Variants in RORA observed in about 807,000 individuals in gnomAD.
RORA encodes RAR related orphan receptor A, also known as nuclear receptor ROR-alpha.
A neutral mutation model predicts 69.5 loss-of-function variants in RORA; 7 were observed. The observed-to-expected ratio is 0.10, with a 90% confidence interval of 0.06 to 0.19. The LOEUF is 0.19. Among genes scored for constraint, RORA ranks in the 10% least tolerant of loss-of-function variants. RORA has a pLI of 1.00. For missense variants in RORA, 457 were observed against 663.0 expected, an observed-to-expected ratio of 0.69 and a Z score of 3.41; for synonymous variants, 261 against 240.8, an observed-to-expected ratio of 1.08 and a Z score of -0.78.
At chr15:60,796,799 G>A (rs1276649266) in intron 1 of RORA, among the ~76,000 whole-genome samples, 1 of 151,842 alleles carries the variant, frequency 6.6e-6, no homozygotes, top group Admixed American at 6.6e-5. Flanking sequence ...CTCATCAACT[G>A]ATGAGTCGAT....
intron 1 of RORA, among the ~76,000 whole-genome samples, chr15:61,082,569 A>AT (rs2078561189): frequency 1.3e-5 from 2 of 152,146 alleles, no homozygotes; most frequent in South Asian, 2.1e-4. Flanking sequence ...GAGGAGTGAC[A>AT]TTTTGTAAAC....
At chr15:61,070,602 T>C (rs2078327429) in intron 1 of RORA, among the ~76,000 whole-genome samples, 1 of 152,246 alleles carries the variant, frequency 6.6e-6, no homozygotes, top group African/African-American at 2.4e-5. Flanking sequence ...ATTTATTGAA[T>C]GTCTATTCTA....
chr15:61,047,807 G>C (rs1488728960), intron 1 of RORA, among the ~76,000 whole-genome samples: 1 of 152,160 alleles, frequency 6.6e-6, no homozygotes, highest in Non-Finnish European at 1.5e-5. Context: ...AGTGAAGTGT[G>C]GTCCTCCGGC....
rs147444921 is a variant in RORA, at chr15:60,727,693, G to C, written c.167-49007C>G. 6.5e-3 allele frequency among the ~76,000 whole-genome samples: 993 copies of C among 152,228 alleles called. 6 individuals are homozygous for C. The highest frequency in any genetic ancestry group is 0.02 in the East Asian group (106 of 5,178). ...TTGGGACTTTAAAAAAAAATGGCGT[G>C]AAAGTGAAAAGAATCTGTCCCTGTC... On this transcript the variant is annotated intron_variant, in intron 1 of 10. Coordinates refer to ENST00000335670, the MANE Select transcript of RORA (RefSeq NM_134261.3).
intron 1 of RORA, among the ~76,000 whole-genome samples, chr15:60,844,870 A>G (rs1397107689): frequency 6.6e-6 from 1 of 152,236 alleles, no homozygotes; most frequent in Non-Finnish European, 1.5e-5. Flanking sequence ...TATCTGCTCA[A>G]AAGAATGTGC....
At chr15:61,198,502 G>A (rs994026704) in intron 1 of RORA, among the ~76,000 whole-genome samples, 5 of 152,160 alleles carry the variant, frequency 3.3e-5, no homozygotes, top group African/African-American at 7.2e-5. Flanking sequence ...CAAAAGGTAC[G>A]CAGCTTCCAT....
At chr15:60,579,064 G>GTT (rs869076097) in intron 2 of RORA, among the ~76,000 whole-genome samples, 135 of 129,654 alleles carry the variant, frequency 1.0e-3, no homozygotes, top group African/African-American at 2.9e-3. Flanking sequence ...ACCGCGCCCG[G>GTT]TTTTTTTTTT....
intron 3 of RORA, among the ~76,000 whole-genome samples, chr15:60,521,606 A>G (rs1401553439): frequency 6.6e-6 from 1 of 152,200 alleles, no homozygotes; most frequent in Non-Finnish European, 1.5e-5. Flanking sequence ...TCCTTTTGTT[A>G]AGAACCAGAG....
intron 1 of RORA, among the ~76,000 whole-genome samples, chr15:61,079,408 A>T (rs1412223367): frequency 6.6e-6 from 1 of 152,214 alleles, no homozygotes; most frequent in East Asian, 1.9e-4. Context: ...TCTCCATGAC[A>T]TAAGCCTGAC....
At chr15:61,089,235 T>C (rs949835264) in intron 1 of RORA, among the ~76,000 whole-genome samples, 3 of 152,184 alleles carry the variant, frequency 2.0e-5, no homozygotes, top group African/African-American at 7.2e-5. Flanking sequence ...TCCCAGTGAA[T>C]ATGAGTAAAT....
chr15:60,675,958 T>G (rs923840830), intron 2 of RORA, among the ~76,000 whole-genome samples: 1 of 152,170 alleles, frequency 6.6e-6, no homozygotes, highest in African/African-American at 2.4e-5. Flanking sequence ...TGTCGATGAT[T>G]ATGTAGTCAA....
At chr15:61,038,898 T>G (rs969457719) in intron 1 of RORA, 1 of 152,356 alleles carries the variant, frequency 6.6e-6, no homozygotes, top group Non-Finnish European at 1.5e-5. Context: ...AACATGAGCA[T>G]TCTCCCCTTC....
chr15:61,083,536 G>T (rs2078576911), intron 1 of RORA, among the ~76,000 whole-genome samples: 2 of 152,056 alleles, frequency 1.3e-5, no homozygotes, highest in Admixed American at 6.5e-5. Flanking sequence ...ATCCTCTGGT[G>T]CAGGAAAAGC....
At chr15:60,733,884 C>G (rs1171595773) in intron 1 of RORA, among the ~76,000 whole-genome samples, 3 of 141,052 alleles carry the variant, frequency 2.1e-5, no homozygotes, top group Non-Finnish European at 1.5e-5. Flanking sequence ...ATCCAACTAT[C>G]TGCACACAGG....
intron 1 of RORA, among the ~76,000 whole-genome samples, chr15:60,920,650 T>C (rs928008519): frequency 6.6e-6 from 1 of 152,200 alleles, no homozygotes; most frequent in African/African-American, 2.4e-5. Context: ...CAGCGAGCTA[T>C]TACAATAGAT....
chr15:60,679,573 C>T (rs185520206), intron 1 of RORA, among the ~76,000 whole-genome samples: 8 of 152,018 alleles, frequency 5.3e-5, no homozygotes, highest in Admixed American at 1.3e-4. Flanking sequence ...AAACATTTAG[C>T]CTGTGACTAA....
At chr15:60,970,348 C>T (rs575644953) in intron 1 of RORA, among the ~76,000 whole-genome samples, 1 of 152,348 alleles carries the variant, frequency 6.6e-6, no homozygotes, top group East Asian at 1.9e-4. Context: ...CACTTGTCCT[C>T]AAACACACCC....
chr15:61,153,924 T>C (rs1407070899), intron 1 of RORA, among the ~76,000 whole-genome samples: 1 of 152,210 alleles, frequency 6.6e-6, no homozygotes, highest in Non-Finnish European at 1.5e-5. Context: ...AGAAACAGAT[T>C]TGGTAAGGCC....
At chr15:60,672,371 A>G (rs2070486884) in intron 2 of RORA, among the ~76,000 whole-genome samples, 1 of 152,194 alleles carries the variant, frequency 6.6e-6, no homozygotes. Flanking sequence ...GATTGCCTTT[A>G]CATCCTGGCT....
Sources: gnomAD v4.1 joint callset for allele counts (sites outside exome capture counted in the v4.1 genomes callset) on GRCh38, gnomAD v4.1.1 for gene constraint, MANE v1.5 for transcripts, NCBI Gene and HGNC (gene_info 2026-07-23, HGNC 2026-07-21) for gene names.